Variants in GPR149 observed in about 807,000 individuals in gnomAD.
GPR149 encodes probable G protein-coupled receptor 149.
Under a neutral mutation model 50.2 loss-of-function variants are expected in GPR149, and 50 were observed. That is an observed-to-expected ratio of 1.00 (90% confidence interval 0.79 to 1.26). The LOEUF (loss-of-function observed/expected upper bound fraction) is 1.26, where lower values mean the gene tolerates loss of function less well. GPR149 is among the 50% of genes most tolerant of loss of function. The pLI, the probability that GPR149 is intolerant of heterozygous loss-of-function variation, is 0.00. For synonymous variants in GPR149, 405 were observed against 358.2 expected, an observed-to-expected ratio of 1.13 and a Z score of -1.48; for missense variants, 983 against 895.4, an observed-to-expected ratio of 1.10 and a Z score of -1.25.
At chr3:154,353,778 T>C (rs1034364394) in intron 3 of GPR149, 92 of 733,002 alleles carry the variant, frequency 1.3e-4, no homozygotes, top group Middle Eastern at 8.8e-4. Flanking sequence ...AGAATGTCTT[T>C]CCTGTTCCTG....
At chr3:154,425,549 C>G (rs1310737397) in intron 2 of GPR149, among the ~76,000 whole-genome samples, 1 of 151,978 alleles carries the variant, frequency 6.6e-6, no homozygotes, top group South Asian at 2.1e-4. Context: ...GATATCACAG[C>G]CTGGATCATA....
intron 3 of GPR149, among the ~76,000 whole-genome samples, chr3:154,398,324 C>T (rs1416722372): frequency 1.3e-5 from 2 of 152,120 alleles, no homozygotes; most frequent in African/African-American, 4.8e-5. Flanking sequence ...CTCTTGTGGT[C>T]CAGGCTTTCT....
intron 3 of GPR149, among the ~76,000 whole-genome samples, chr3:154,406,944 A>G (rs1711712113): frequency 6.6e-6 from 1 of 152,220 alleles, no homozygotes; most frequent in Admixed American, 6.5e-5. Context: ...GGAAGGCCTC[A>G]CAATCATGAC....
chr3:154,377,329 A>G (rs1714815150), intron 3 of GPR149, among the ~76,000 whole-genome samples: 1 of 148,402 alleles, frequency 6.7e-6, no homozygotes, highest in Non-Finnish European at 1.5e-5. Context: ...TTGGGCTAGA[A>G]GATCTTGATC....
At chr3:154,417,999 G>T (rs977303132) in intron 3 of GPR149, among the ~76,000 whole-genome samples, 3 of 151,584 alleles carry the variant, frequency 2.0e-5, no homozygotes, top group African/African-American at 7.3e-5. Flanking sequence ...CAAAAAGTGG[G>T]CGAAGGACAT....
intron 3 of GPR149, among the ~76,000 whole-genome samples, chr3:154,388,823 C>A (rs1203302556): frequency 6.6e-6 from 1 of 150,958 alleles, no homozygotes; most frequent in Non-Finnish European, 1.5e-5. Flanking sequence ...GATAAATTGA[C>A]TACTGTCAGA....
At chr3:154,396,256 G>A (rs900715824) in intron 3 of GPR149, among the ~76,000 whole-genome samples, 1 of 152,012 alleles carries the variant, frequency 6.6e-6, no homozygotes, top group Non-Finnish European at 1.5e-5. Flanking sequence ...TAATTGTTGA[G>A]GAATAGTAGA....
At chr3:154,338,647 A>G (rs1559967679) in intron 3 of GPR149, among the ~76,000 whole-genome samples, 1 of 152,260 alleles carries the variant, frequency 6.6e-6, no homozygotes, top group Non-Finnish European at 1.5e-5. Context: ...ACTCAGTTAC[A>G]TTAAAACGTT....
At chr3:154,361,798 G>T (rs1407982072) in intron 3 of GPR149, among the ~76,000 whole-genome samples, 3 of 152,056 alleles carry the variant, frequency 2.0e-5, no homozygotes, top group Non-Finnish European at 4.4e-5. Context: ...GAACCTATTT[G>T]TTCTTCCAGG....
At chr3:154,391,989 T>A (rs1715182195) in intron 3 of GPR149, among the ~76,000 whole-genome samples, 1 of 151,660 alleles carries the variant, frequency 6.6e-6, no homozygotes, top group South Asian at 2.1e-4. Flanking sequence ...TGTATACACA[T>A]CCAACATCAG....
chr3:154,424,525 T>TA (rs1180675749), intron 2 of GPR149, among the ~76,000 whole-genome samples: 2 of 151,776 alleles, frequency 1.3e-5, no homozygotes, highest in African/African-American at 2.4e-5. Flanking sequence ...TTTATATCAC[T>TA]AAAAAAATAC....
intron 3 of GPR149, among the ~76,000 whole-genome samples, chr3:154,387,823 A>G (rs1326519729): frequency 6.6e-6 from 1 of 152,152 alleles, no homozygotes; most frequent in Non-Finnish European, 1.5e-5. Flanking sequence ...AAAACAAATC[A>G]AAACTGGAAA....
At chr3:154,400,261 C>T (rs542178230) in intron 3 of GPR149, among the ~76,000 whole-genome samples, 136 of 152,132 alleles carry the variant, frequency 8.9e-4, no homozygotes, top group African/African-American at 3.2e-3. Flanking sequence ...GCTGGGATTA[C>T]AGGGGTGAGC....
chr3:154,423,952 A>G (rs1712225899), intron 2 of GPR149, among the ~76,000 whole-genome samples: 2 of 151,776 alleles, frequency 1.3e-5, no homozygotes, highest in Non-Finnish European at 3.0e-5. Context: ...GCACCCATTA[A>G]CTCGTCATTT....
chr3:154,355,956 AC>A (rs1283855579), intron 3 of GPR149, among the ~76,000 whole-genome samples: 1 of 152,214 alleles, frequency 6.6e-6, no homozygotes, highest in East Asian at 1.9e-4. Context: ...AGACAAGAAT[AC>A]TTTCGTCAAA....
In GPR149 at chr3:154,419,413, A is replaced by C. The variant is rs560766267; in HGVS notation, c.1623+1626T>G. Among the ~76,000 whole-genome samples, 3 of 152,156 alleles carry C rather than the reference A, an allele frequency of 2.0e-5. No individual in the cohort carries two copies. The South Asian group carries it at 6.2e-4, about 31-fold the overall frequency. On this transcript the variant is annotated intron_variant, in intron 3 of 3. Coordinates refer to ENST00000389740, the MANE Select transcript of GPR149 (RefSeq NM_001038705.3). ...TGAGGATGTTAAGTTGTGGTATTTT[A>C]GATAATAATTTCCATGGTTTTGATG...
chr3:154,429,691 ATCAGATT>A lies in GPR149; in HGVS notation c.-83_-77del, dbSNP rs1449518676. 7.7e-7 allele frequency: 1 copy of A among 1,300,716 alleles called. No homozygotes were observed. The highest frequency in any genetic ancestry group is 2.3e-5 in the East Asian group (1 of 43,328). The allele number at this position is 1,300,716 out of a possible 1,614,324, so 80.6% of individuals were successfully genotyped here. A position where few individuals can be genotyped will look rare whatever the true frequency, so the allele number is the denominator to read the frequency against. ...TCAAAAGAAAGACCGGCTGCTGCAA[ATCAGATT>A]TCATTCCTCCTACCAAGTTCCCCTC... is the stretch of plus-strand genomic sequence containing the variant. On this transcript the variant is annotated 5_prime_UTR_variant, in exon 1 of 4. It introduces an in-frame stop codon into an upstream open reading frame of the 5' UTR. Coordinates refer to ENST00000389740, the MANE Select transcript of GPR149 (RefSeq NM_001038705.3).
intron 3 of GPR149, among the ~76,000 whole-genome samples, chr3:154,378,092 T>C (rs1211318825): frequency 7.1e-6 from 1 of 141,218 alleles, no homozygotes; most frequent in East Asian, 2.6e-4. Context: ...CCCCCCCTTT[T>C]TTTTTTTTTG....
At chr3:154,384,512 C>A (rs979491378) in intron 3 of GPR149, among the ~76,000 whole-genome samples, 2 of 152,144 alleles carry the variant, frequency 1.3e-5, no homozygotes, top group Non-Finnish European at 2.9e-5. Context: ...GAGACAGAAG[C>A]TTTTCAAAGT....
Sources: gnomAD v4.1 joint callset for allele counts (sites outside exome capture counted in the v4.1 genomes callset) on GRCh38, gnomAD v4.1.1 for gene constraint, MANE v1.5 for transcripts, NCBI Gene and HGNC (gene_info 2026-07-23, HGNC 2026-07-21) for gene names.